MMP27: variants seen among roughly 807,000 people sequenced by gnomAD.
MMP27 encodes matrix metallopeptidase 27.
In MMP27, 51 loss-of-function variants were observed where a neutral mutation model predicts 48.1. The observed-to-expected ratio is 1.06, with a 90% CI of 0.85 to 1.34. The LOEUF is 1.34. Among genes scored for constraint, MMP27 ranks in the 40% most tolerant of loss-of-function variants. The probability of loss-of-function intolerance (pLI) is 0.00; values close to 1 mark genes in which losing one functional copy is unlikely to be tolerated. For synonymous variants in MMP27, 229 were observed against 208.9 expected, an observed-to-expected ratio of 1.10 and a Z score of -0.83; for missense variants, 698 against 619.3, an observed-to-expected ratio of 1.13 and a Z score of -1.35.
Position 102,691,651 on chromosome 11 carries a change from A to C in MMP27, c.*115T>G. 3.2e-6 allele frequency: 3 copies of C among 941,258 alleles called. No individual in the cohort carries two copies. The highest frequency in any genetic ancestry group is 1.5e-6 in the Non-Finnish European group (1 of 656,348). The allele number at this position is 941,258 out of a possible 1,614,324, so 58.3% of individuals were successfully genotyped here. ...ATCAGGCAGCTCAAAATGGCCATTG[A>C]ATTTGGATATTTAGAACTAGGACCA... On this transcript the variant is annotated 3_prime_UTR_variant, in exon 10 of 10. Transcript: ENST00000260229.
chr11:102,703,816 A>G (rs1017780277), intron 2 of MMP27, among the ~76,000 whole-genome samples: 2 of 152,172 alleles, frequency 1.3e-5, no homozygotes, highest in Non-Finnish European at 2.9e-5. Context: ...GAGCCACCAC[A>G]CCCAGTCCAT....
chr11:102,696,777 G>A lies in MMP27; in HGVS notation c.678C>T (p.His226=). The change falls in exon 5 of 10, where the codon CAC becomes CAT. Residue 226 remains histidine, a synonymous_variant. Coordinates refer to ENST00000260229, the MANE Select transcript of MMP27 (RefSeq NM_022122.3). ...HEFGHALGLS[H]SNDQTALMFP... The stretch of plus-strand genomic sequence containing the variant: ...ACATCAAGGCTGTTTGATCATTGGA[G>A]TGAGAGAGCCCCAGTGCATGACCAA... 6.2e-7 allele frequency: 1 copy of A among 1,613,782 alleles called. No individual in the cohort carries two copies. The highest frequency in any genetic ancestry group is 1.3e-5 in the African/African-American group (1 of 75,006).
intron 4 of MMP27, among the ~76,000 whole-genome samples, chr11:102,700,182 A>C (rs4121367): frequency 0.12 from 17,937 of 152,274 alleles, 1,107 homozygotes; most frequent in East Asian, 0.22. Context: ...ATGTTCAATA[A>C]ATGATCATTG....
intron 1 of MMP27, 25 bp downstream of exon 1, chr11:102,705,588 T>C (rs772826672): frequency 7.4e-7 from 1 of 1,355,426 alleles, no homozygotes. Context: ...TCAATAGTCA[T>C]CGATATCATT....
rs1479602728 is a variant in MMP27, at chr11:102,704,613, G to T, written c.265C>A (p.Pro89Thr). Residue 89 changes from proline to threonine, a missense_variant, in exon 2 of 10, where the codon CCC becomes ACC. Transcript: ENST00000260229. ...CCCACATCAGGCACCCCACACCTGG[G>T]TGTCTTCATGATCTCAAGGGTGTTT... is the stretch of plus-strand genomic sequence containing the variant. Reference protein sequence around the residue: ...DSNTLEIMKTPRCGVPDVGQY... With the variant: ...DSNTLEIMKTTRCGVPDVGQY... The T allele has an allele frequency of 1.2e-6, 2 of 1,614,158 alleles. No individual in the cohort carries two copies. The highest frequency in any genetic ancestry group is 1.7e-5 in the Admixed American group (1 of 60,020).
intron 1 of MMP27, among the ~76,000 whole-genome samples, 191 bp from the exon 2 acceptor site, chr11:102,704,966 G>A (rs1391339255): frequency 6.6e-6 from 1 of 152,124 alleles, no homozygotes; most frequent in Non-Finnish European, 1.5e-5. Flanking sequence ...AAAATAACGA[G>A]TCACCCTGCT....
At chr11:102,694,916 G>T in intron 7 of MMP27, 51 bp downstream of exon 7, 1 of 1,606,522 alleles carries the variant, frequency 6.2e-7, no homozygotes, top group Non-Finnish European at 8.5e-7. Flanking sequence ...ATATCCACTG[G>T]TTAGTTCAGG....
Position 102,692,915 on chromosome 11 carries a change from A to G in MMP27, c.1297+23T>C, listed in dbSNP as rs752514716. The stretch of plus-strand genomic sequence containing the variant: ...TCAACACAGTCTCTCAAGTATCCCA[A>G]TAAGTGAGACATCCATGCTTACCTT... On this transcript the variant is annotated intron_variant, in intron 9 of 9. Coordinates refer to ENST00000260229, the MANE Select transcript of MMP27 (RefSeq NM_022122.3). The G allele has an allele frequency of 2.5e-6, 4 of 1,582,552 alleles. No homozygotes were observed. In the East Asian group the frequency reaches 6.7e-5, roughly 27 times the overall value.
At chr11:102,703,458 A>G (rs1352407588) in intron 2 of MMP27, among the ~76,000 whole-genome samples, 1 of 152,222 alleles carries the variant, frequency 6.6e-6, no homozygotes, top group East Asian at 1.9e-4. Flanking sequence ...ACATTCTTAA[A>G]AAGAACTGAG....
In MMP27 at chr11:102,692,129, A is replaced by G. The variant is rs1316534912; in HGVS notation, c.1298-119T>C. The G allele has an allele frequency of 1.1e-5, 10 of 903,632 alleles. No individual in the cohort carries two copies. The East Asian group carries it at 2.5e-4, about 23-fold the overall frequency. The allele number at this position is 903,632 out of a possible 1,614,324, so 56.0% of individuals were successfully genotyped here. ...GGAGAACGAAGAAATTTGTGGAATCACATACATACATTTTAGTTTTCTACT... is the reference window on the plus strand; with the variant it reads ...GGAGAACGAAGAAATTTGTGGAATCGCATACATACATTTTAGTTTTCTACT... On this transcript the variant is annotated intron_variant, in intron 9 of 9. Transcript: ENST00000260229.
At position 102,705,728 on chromosome 11, in the gene MMP27, C is replaced by T; in HGVS notation, c.-14G>A. The T allele has an allele frequency of 6.3e-7, 1 of 1,576,838 alleles. No homozygotes were observed. The highest frequency in any genetic ancestry group is 1.4e-5 in the African/African-American group (1 of 73,450). On this transcript the variant is annotated 5_prime_UTR_variant, in exon 1 of 10. Coordinates refer to ENST00000260229, the MANE Select transcript of MMP27 (RefSeq NM_022122.3). ...AAGGCGCTTCATTCCTCTCTTTCTT[C>T]AGCTGAAGCCGGTTCTGTTAGCACA...
Position 102,691,806 on chromosome 11 carries a change from C to A in MMP27, c.1502G>T (p.Gly501Val). 6.2e-7 allele frequency: 1 copy of A among 1,607,330 alleles called. No homozygotes were observed. Among genetic ancestry groups the A allele is most frequent in the Non-Finnish European group, 8.5e-7 (1 of 1,175,970 alleles). The change falls in exon 10 of 10, where the codon GGT (glycine) becomes GTT (valine). Residue 501 changes from glycine to valine, a missense_variant. Gly to Val is a moderately radical substitution (Grantham distance 109, BLOSUM62 -3). Transcript: ENST00000260229. ...AGTGTTTTTCAGCAAATGAACAATA[C>A]CAAAAATAAACAAGCTTAAACTCTT... is the stretch of plus-strand genomic sequence containing the variant. ...YHKSLSLFIF[G>V]IVHLLKNTSI...
Position 102,693,056 on chromosome 11 carries a change from A to G in MMP27, c.1194-15T>C. On this transcript the variant is annotated splice_polypyrimidine_tract_variant and intron_variant, in intron 8 of 9. Coordinates refer to ENST00000260229, the MANE Select transcript of MMP27 (RefSeq NM_022122.3). ...TTTCATCAAACCTGCATACAAGAAT[A>G]TGAAAGGATACCAGCGGATCTTTGG... 1 of 1,597,126 alleles carries G rather than the reference A, an allele frequency of 6.3e-7. No homozygotes were observed. The highest frequency in any genetic ancestry group is 1.7e-5 in the Admixed American group (1 of 59,818).
chr11:102,696,578 C>T lies in MMP27; in HGVS notation c.782-87G>A. 1.9e-6 allele frequency: 3 copies of T among 1,572,960 alleles called. 1 individual carries two copies. Among genetic ancestry groups the T allele is most frequent in the South Asian group, 2.4e-5 (2 of 85,048 alleles). On this transcript the variant is annotated intron_variant, in intron 5 of 9. Transcript: ENST00000260229. ...AGGGTCTTACCTAAGTGGATATTTG[C>T]TTCATGATAATATTTCAAGAAGTGA...
In MMP27 at chr11:102,691,693, GA is replaced by G; in HGVS notation, c.*72del. The G allele has an allele frequency of 7.6e-7, 1 of 1,307,292 alleles. No homozygotes were observed. Among genetic ancestry groups the G allele is most frequent in the East Asian group, 2.4e-5 (1 of 41,412 alleles). 81.0% of individuals were successfully genotyped at this position (1,307,292 alleles called of 1,614,324 possible). ...CTAGGACCAGCAACTTGTTGTTAAA[GA>G]ATGGTTTTATTCTATTTTGAAGCAG... On this transcript the variant is annotated 3_prime_UTR_variant, in exon 10 of 10. Transcript: ENST00000260229.
intron 6 of MMP27, 47 bp downstream of exon 6, chr11:102,696,319 TGAAAA>T: frequency 6.2e-7 from 1 of 1,600,272 alleles, no homozygotes; most frequent in Admixed American, 1.7e-5. Flanking sequence ...TCAAATCTCT[TGAAAA>T]GAAAAATCTT....
chr11:102,696,800 C>T lies in MMP27; in HGVS notation c.655G>A (p.Gly219Ser). 4.3e-6 allele frequency: 7 copies of T among 1,611,776 alleles called. No individual in the cohort carries two copies. The East Asian group carries it at 1.3e-4, about 31-fold the overall frequency. ...GAGTGAGAGAGCCCCAGTGCATGAC[C>T]AAATTCATGAGCAGCCACAAGAAAC... Reference protein sequence around the residue: ...NLFLVAAHEFGHALGLSHSND... With the variant: ...NLFLVAAHEFSHALGLSHSND... Residue 219 changes from glycine (G) to serine (S), a missense_variant, in exon 5 of 10, where the codon GGT (glycine) becomes AGT (serine). Transcript: ENST00000260229.
At chr11:102,702,657 G>A in intron 4 of MMP27, 96 bp downstream of exon 4, 1 of 1,382,240 alleles carries the variant, frequency 7.2e-7, no homozygotes, top group Non-Finnish European at 9.9e-7. Flanking sequence ...GGGACATTGG[G>A]AACTTTACAG....
rs985311355 is a variant in MMP27 at position 102,699,779 on chromosome 11, T to A, written c.620-2944A>T. ...TTCTAAATGAAGTCCAGATCTTTAT[T>A]CTGGCTTTCAAGACCCTCTGTAATC... On this transcript the variant is annotated intron_variant, in intron 4 of 9. Coordinates refer to ENST00000260229, the MANE Select transcript of MMP27 (RefSeq NM_022122.3). Among the ~76,000 whole-genome samples the A allele has an allele frequency of 3.3e-5, 5 of 152,360 alleles. No homozygotes were observed. In the East Asian group the frequency reaches 9.6e-4, roughly 29 times the overall value.
Sources: gnomAD v4.1 joint callset for allele counts (sites outside exome capture counted in the v4.1 genomes callset) on GRCh38, gnomAD v4.1.1 for gene constraint, MANE v1.5 for transcripts, NCBI Gene and HGNC (gene_info 2026-07-23, HGNC 2026-07-21) for gene names.